Variants in TAOK2 observed in about 807,000 individuals in gnomAD.
TAOK2 encodes the protein serine/threonine-protein kinase TAO2.
Under a neutral mutation model 122.5 loss-of-function variants are expected in TAOK2, and 42 were observed. That is an observed-to-expected ratio of 0.34 (90% CI 0.27 to 0.44). The LOEUF (loss-of-function observed/expected upper bound fraction) is 0.44, where lower values mean the gene tolerates loss of function less well. TAOK2 is among the 20% of genes least tolerant of loss of function. The pLI, the probability that TAOK2 is intolerant of heterozygous loss-of-function variation, is 1.00. For synonymous variants in TAOK2, 704 were observed against 677.6 expected (o/e 1.04, Z -0.61); for missense variants, 1,264 against 1,644.9 (o/e 0.77, Z 4.01).
chr16:29,985,494 C>A lies in TAOK2; in HGVS notation c.1704C>A (p.Ile568=). ...QAEERKFQQH[I]LGQQKKELAA... is the part of the protein sequence containing the mutation. ...AGGAGCGGAAGTTCCAGCAGCACAT[C>A]CTTGGGCAGCAGAAGAAGGAGCTGG... Residue 568 remains isoleucine (I), a synonymous_variant, in exon 14 of 16, where the codon ATC becomes ATA. Transcript: ENST00000308893. The surrounding 1 kb of genome is among the most constrained non-coding windows in gnomAD (Gnocchi z 6.9). 6.2e-7 allele frequency: 1 copy of A among 1,612,544 alleles called. No individual in the cohort carries two copies.
intron 1 of TAOK2, among the ~76,000 whole-genome samples, chr16:29,975,876 C>T (rs1002324490): frequency 8.5e-5 from 13 of 152,316 alleles, no homozygotes; most frequent in South Asian, 2.1e-4. Flanking sequence ...TAATCCATTT[C>T]ACTGAAGAGA....
rs2069783789 is a variant in TAOK2 at position 29,986,164 on chromosome 16, GT to G, written c.1993-100del. 6.8e-7 allele frequency: 1 copy of G among 1,475,460 alleles called. No individual in the cohort carries two copies. 91.4% of individuals were successfully genotyped at this position (1,475,460 alleles called of 1,614,324 possible). A position where few individuals can be genotyped will look rare whatever the true frequency, so the allele number is the denominator to read the frequency against. On this transcript the variant is annotated intron_variant, in intron 15 of 15. Transcript: ENST00000308893. The surrounding 1 kb of genome is among the most constrained non-coding windows in gnomAD (Gnocchi z 4.2). ...TGATACTGACCAGGCCCTGGGCCCT[GT>G]GTTTCTTCCGCCATCCCCAGCTCCC...
intron 1 of TAOK2, among the ~76,000 whole-genome samples, chr16:29,976,656 T>C (rs1466295449): frequency 6.6e-6 from 1 of 152,168 alleles, no homozygotes; most frequent in Non-Finnish European, 1.5e-5. Context: ...TTGGGTGCCC[T>C]AGGTGCTCTT....
Position 29,987,717 on chromosome 16 carries a change from AG to A in TAOK2, c.3448del (p.Val1150SerfsTer19). ...TTQHPLALLA[R>X]VWVLCKGWNW... is the part of the protein sequence containing the mutation. ...CCAACACCCATTAGCTCTGTTGGCAAGGGTCTGGGTCCTGTGCAAGGGCTGG... is the reference window on the plus strand; with the variant it reads ...CCAACACCCATTAGCTCTGTTGGCAAGGTCTGGGTCCTGTGCAAGGGCTGG... On this transcript the variant is annotated frameshift_variant, in exon 16 of 16. Coordinates refer to ENST00000308893, the MANE Select transcript of TAOK2 (RefSeq NM_016151.4). LOFTEE classifies it high-confidence loss of function. 1 of 1,614,040 alleles carries A rather than the reference AG, an allele frequency of 6.2e-7. No homozygotes were observed. The highest frequency in any genetic ancestry group is 8.5e-7 in the Non-Finnish European group (1 of 1,179,938).
intron 1 of TAOK2, among the ~76,000 whole-genome samples, chr16:29,976,187 T>C (rs1046372223): frequency 1.3e-5 from 2 of 152,276 alleles, no homozygotes; most frequent in Non-Finnish European, 2.9e-5. Context: ...GGAAGATTCC[T>C]TTGGCAAGTT....
chr16:29,991,667 C>T, downstream of TAOK2: 1 of 1,351,284 alleles, frequency 7.4e-7, no homozygotes. The surrounding 1 kb of genome is among the most constrained non-coding windows in gnomAD (Gnocchi z 5.6). Flanking sequence ...GGGTAGGGGA[C>T]AAGATGTAGG....
At position 29,986,011 on chromosome 16, in the gene TAOK2, C is replaced by A; in HGVS notation, c.1992+150C>A. The A allele has an allele frequency of 8.9e-7, 1 of 1,128,100 alleles. No homozygotes were observed. Among genetic ancestry groups the A allele is most frequent in the Non-Finnish European group, 1.2e-6 (1 of 801,864 alleles). 69.9% of individuals were successfully genotyped at this position (1,128,100 alleles called of 1,614,324 possible). On this transcript the variant is annotated intron_variant, in intron 15 of 15. Coordinates refer to ENST00000308893, the MANE Select transcript of TAOK2 (RefSeq NM_016151.4). The surrounding 1 kb of genome is among the most constrained non-coding windows in gnomAD (Gnocchi z 4.2). ...TCAGTGCCCCTTTTACTTCTCATCC[C>A]CAACAGACCCTGCCAGAATTTCCTT...
In TAOK2 at chr16:29,985,741, G is replaced by A. The variant is rs1265370470; in HGVS notation, c.1872G>A (p.Gln624=). The A allele has an allele frequency of 6.2e-7, 1 of 1,610,706 alleles. No individual in the cohort carries two copies. The highest frequency in any genetic ancestry group is 8.5e-7 in the Non-Finnish European group (1 of 1,179,228). Residue 624 remains glutamine, a synonymous_variant, in exon 15 of 16, where the codon CAG becomes CAA. Transcript: ENST00000308893. This position sits in a 1 kb window ranked among gnomAD's most constrained non-coding sequence, Gnocchi z 6.9. ...LRQKEQLQQC[Q]AEEEAGLLRR... Reference sequence around the variant, plus strand: ...AGAAGGAGCAGCTCCAGCAGTGCCAGGCGGAGGAGGAAGCAGGGCTGCTGC... The same window carrying A: ...AGAAGGAGCAGCTCCAGCAGTGCCAAGCGGAGGAGGAAGCAGGGCTGCTGC...
downstream of TAOK2, chr16:29,991,494 G>A (rs1015403292): frequency 3.4e-6 from 5 of 1,478,174 alleles, no homozygotes; most frequent in Non-Finnish European, 4.5e-6. This position sits in a 1 kb window ranked among gnomAD's most constrained non-coding sequence, Gnocchi z 5.6. Context: ...TGCTGCCGCG[G>A]TGCCCGGGCC....
rs2069838105 is a variant in TAOK2, at chr16:29,987,354, G to T, written c.3082G>T (p.Ala1028Ser). 1.3e-6 allele frequency: 2 copies of T among 1,576,854 alleles called. No individual in the cohort carries two copies. The highest frequency in any genetic ancestry group is 1.8e-5 in the Admixed American group (1 of 54,430). The change falls in exon 16 of 16, where the codon GCC (alanine) becomes TCC (serine). Residue 1028 changes from alanine to serine, a missense_variant. This residue lies in a region of TAOK2 where 824 missense variants were observed against 908.7 expected (regional missense o/e 0.91). Coordinates refer to ENST00000308893, the MANE Select transcript of TAOK2 (RefSeq NM_016151.4). ...CCTGGCCCAGGGTACCGCACTGGGG[G>T]CCGTCCTGGGCCTGAGCTGGCGCCG... ...LLLAQGTALG[A>S]VLGLSWRRGL...
In TAOK2 at chr16:29,979,546, A is replaced by G; in HGVS notation, c.655+38A>G. The stretch of plus-strand genomic sequence containing the variant: ...TCCCTGTTCCCTCATCATCTTTTCC[A>G]TTCTTTCCTGTTAGTTCCCAGACTC... On this transcript the variant is annotated intron_variant, in intron 8 of 15. Transcript: ENST00000308893. This position sits in a 1 kb window ranked among gnomAD's most constrained non-coding sequence, Gnocchi z 4.1. 1 of 1,445,110 alleles carries G rather than the reference A, an allele frequency of 6.9e-7. No individual in the cohort carries two copies. The highest frequency in any genetic ancestry group is 9.2e-7 in the Non-Finnish European group (1 of 1,086,128). The allele number at this position is 1,445,110 out of a possible 1,614,324, so 89.5% of individuals were successfully genotyped here. A position where few individuals can be genotyped will look rare whatever the true frequency, so the allele number is the denominator to read the frequency against.
downstream of TAOK2, chr16:29,989,242 G>A: frequency 1.0e-6 from 1 of 985,158 alleles, no homozygotes; most frequent in South Asian, 4.7e-5. Context: ...AAGATCCTCA[G>A]TTCCCTGTCC....
downstream of TAOK2, chr16:29,988,830 A>G (rs2069896546): frequency 1.0e-6 from 1 of 985,340 alleles, no homozygotes; most frequent in Non-Finnish European, 1.2e-6. Context: ...CAGGCGGAGT[A>G]TGAAGGCTGT....
At chr16:29,981,090 CTT>C (rs1234364889) in intron 8 of TAOK2, 1 of 159,660 alleles carries the variant, frequency 6.3e-6, no homozygotes, top group Non-Finnish European at 1.4e-5. Context: ...ACAAGGGACT[CTT>C]AGCGACTCTT....
intron 8 of TAOK2, 176 bp from the exon 9 acceptor site, chr16:29,981,485 T>C (rs1016933973): frequency 2.2e-5 from 15 of 683,296 alleles, no homozygotes; most frequent in Non-Finnish European, 2.7e-5. Flanking sequence ...GGATGGGTGT[T>C]GTATTTTACA....
downstream of TAOK2, chr16:29,990,629 G>T (rs894044887): frequency 6.2e-6 from 4 of 644,428 alleles, no homozygotes; most frequent in Non-Finnish European, 9.9e-6. Context: ...ATTCTGCAGT[G>T]TAATTGCTGT....
In TAOK2 at chr16:29,985,800, G is replaced by T; in HGVS notation, c.1931G>T (p.Arg644Leu). 1 of 1,611,834 alleles carries T rather than the reference G, an allele frequency of 6.2e-7. No homozygotes were observed. The highest frequency in any genetic ancestry group is 8.5e-7 in the Non-Finnish European group (1 of 1,179,874). The change falls in exon 15 of 16, where the codon CGC becomes CTC. Residue 644 changes from arginine (R) to leucine (L), a missense_variant. Transcript: ENST00000308893. This position sits in a 1 kb window ranked among gnomAD's most constrained non-coding sequence, Gnocchi z 6.9. Reference protein sequence around the residue: ...RQRQYFELQCRQYKRKMLLAR... With the variant: ...RQRQYFELQCLQYKRKMLLAR... The stretch of plus-strand genomic sequence containing the variant: ...CGCCAGTACTTTGAGCTGCAGTGTC[G>T]CCAGTACAAGCGCAAGATGTTGCTG...
At chr16:29,990,913 C>G, downstream of TAOK2, 1 of 1,613,550 alleles carries the variant, frequency 6.2e-7, no homozygotes, top group Non-Finnish European at 8.5e-7. Context: ...CGAGAGGGAG[C>G]TGCGGGAGCT....
In TAOK2 at chr16:29,986,960, T is replaced by C. The variant is rs760929883; in HGVS notation, c.2688T>C (p.Thr896=). Residue 896 remains threonine (T), a synonymous_variant, in exon 16 of 16, where the codon ACT becomes ACC. Transcript: ENST00000308893. The surrounding 1 kb of genome is among the most constrained non-coding windows in gnomAD (Gnocchi z 4.2). ...ELGWVQGPAL[T]PVPEEEEEEE... ...GCTGGGTCCAGGGCCCAGCACTGAC[T>C]CCCGTCCCTGAGGAGGAGGAAGAAG... 6.2e-7 allele frequency: 1 copy of C among 1,613,742 alleles called. No homozygotes were observed. Among genetic ancestry groups the C allele is most frequent in the Non-Finnish European group, 8.5e-7 (1 of 1,179,804 alleles).
Sources: gnomAD v4.1 joint callset for allele counts (sites outside exome capture counted in the v4.1 genomes callset) on GRCh38, gnomAD v4.1.1 for gene constraint, gnomAD v4.1.1 regional missense constraint, Gnocchi (gnomAD v3.1) non-coding constraint, MANE v1.5 for transcripts, NCBI Gene and HGNC (gene_info 2026-07-23, HGNC 2026-07-21) for gene names.